The following DOCK1 variants were observed in gnomAD, a reference collection of about 807,000 sequenced individuals.
The protein encoded by DOCK1 is dedicator of cytokinesis 1.
A neutral mutation model predicts 262.7 loss-of-function variants in DOCK1; 138 were observed. The ratio of observed to expected loss-of-function variants is 0.53; its 90% CI spans 0.46 to 0.61. DOCK1 has a LOEUF of 0.61. Among genes scored for constraint, DOCK1 ranks in the 20% least tolerant of loss-of-function variants. DOCK1 has a pLI of 0.00. For missense variants in DOCK1, 1,908 were observed against 2,370.7 expected, an observed-to-expected ratio of 0.80 and a Z score of 4.05; for synonymous variants, 866 against 867.4, an observed-to-expected ratio of 1.00 and a Z score of 0.03.
intron 23 of DOCK1, among the ~76,000 whole-genome samples, chr10:127,101,115 A>G (rs2048217170): frequency 6.6e-6 from 1 of 152,050 alleles, no homozygotes; most frequent in Middle Eastern, 3.4e-3. Flanking sequence ...AACCCAAGGC[A>G]GGGGCAGAGG....
chr10:127,067,347 CCCT>C, intron 23 of DOCK1, among the ~76,000 whole-genome samples: 1 of 152,188 alleles, frequency 6.6e-6, no homozygotes, highest in Non-Finnish European at 1.5e-5. Flanking sequence ...TTACTACCTT[CCCT>C]TAGGATGACC....
chr10:127,193,797 C>T (rs1372986326), intron 27 of DOCK1, among the ~76,000 whole-genome samples: 2 of 152,178 alleles, frequency 1.3e-5, no homozygotes, highest in Non-Finnish European at 2.9e-5. Flanking sequence ...AATTCCCTTT[C>T]CTGCCACAGG....
chr10:127,250,269 G>A (rs1327655009), intron 28 of DOCK1, among the ~76,000 whole-genome samples: 1 of 152,328 alleles, frequency 6.6e-6, no homozygotes, highest in Non-Finnish European at 1.5e-5. Flanking sequence ...ACTATTAAGT[G>A]CTGTAATTGA....
At chr10:127,448,349 A>G (rs2070727916) in intron 51 of DOCK1, among the ~76,000 whole-genome samples, 1 of 152,226 alleles carries the variant, frequency 6.6e-6, no homozygotes, top group East Asian at 1.9e-4. Flanking sequence ...TATTAGTCAA[A>G]GTCATGAAAA....
chr10:127,144,523 A>G (rs2051603082), intron 27 of DOCK1, among the ~76,000 whole-genome samples: 1 of 152,226 alleles, frequency 6.6e-6, no homozygotes, highest in Admixed American at 6.5e-5. Context: ...ATTACAATAA[A>G]CTGATGAACT....
At chr10:126,916,171 G>A (rs535250034) in intron 1 of DOCK1, among the ~76,000 whole-genome samples, 2 of 152,294 alleles carry the variant, frequency 1.3e-5, no homozygotes, top group South Asian at 4.1e-4. Context: ...CCTGGAGTTA[G>A]GGCATATCCT....
At chr10:127,155,626 C>G (rs1403191992) in intron 27 of DOCK1, among the ~76,000 whole-genome samples, 1 of 152,164 alleles carries the variant, frequency 6.6e-6, no homozygotes, top group Non-Finnish European at 1.5e-5. Flanking sequence ...TACCCCTTTC[C>G]TCCTCATGGC....
intron 27 of DOCK1, among the ~76,000 whole-genome samples, chr10:127,177,503 CT>C (rs2055277575): frequency 6.6e-6 from 1 of 152,232 alleles, no homozygotes; most frequent in South Asian, 2.1e-4. Context: ...CTTTTCCCCC[CT>C]TGTGTTTGAG....
intron 27 of DOCK1, among the ~76,000 whole-genome samples, chr10:127,167,594 A>C (rs1023477178): frequency 6.6e-6 from 1 of 152,128 alleles, no homozygotes. Flanking sequence ...TTCTTGGAGC[A>C]GAAAGGAGCC....
At chr10:127,305,574 A>T (rs2061843323) in intron 29 of DOCK1, among the ~76,000 whole-genome samples, 1 of 152,204 alleles carries the variant, frequency 6.6e-6, no homozygotes, top group African/African-American at 2.4e-5. Context: ...AACAGTAAAG[A>T]AATGAGATGT....
chr10:127,110,347 A>C lies in DOCK1; in HGVS notation c.2616A>C (p.Thr872=). 6.2e-7 allele frequency: 1 copy of C among 1,611,454 alleles called. No individual in the cohort carries two copies. The highest frequency in any genetic ancestry group is 8.5e-7 in the Non-Finnish European group (1 of 1,178,346). Residue 872 remains threonine (T), a synonymous_variant, in exon 25 of 52, where the codon ACA becomes ACC. Coordinates refer to ENST00000623213, the MANE Select transcript of DOCK1 (RefSeq NM_001290223.2). The stretch of plus-strand genomic sequence containing the variant: ...AAATCGTCCACAGTGACCTCTTCAC[A>C]CAGCATGGTGAGTGGAACCCCAAGA... The part of the protein sequence containing the change: ...LIEIVHSDLF[T]QHDCREILLP...
intron 23 of DOCK1, among the ~76,000 whole-genome samples, chr10:127,098,646 C>T (rs2048052891): frequency 6.6e-6 from 1 of 152,124 alleles, no homozygotes; most frequent in African/African-American, 2.4e-5. Flanking sequence ...GACAGCACCC[C>T]AGAGCCCTGA....
intron 10 of DOCK1, among the ~76,000 whole-genome samples, chr10:127,005,020 C>T (rs893621369): frequency 6.6e-6 from 1 of 151,840 alleles, no homozygotes; most frequent in African/African-American, 2.4e-5. Flanking sequence ...TGTTGTCCAA[C>T]CAGATGTTCT....
intron 27 of DOCK1, among the ~76,000 whole-genome samples, chr10:127,205,139 C>A (rs1278810650): frequency 6.6e-6 from 1 of 151,884 alleles, no homozygotes; most frequent in African/African-American, 2.4e-5. Context: ...TAAATATTGT[C>A]ACATGGAACT....
At chr10:127,413,858 T>C (rs1367707144) in intron 43 of DOCK1, among the ~76,000 whole-genome samples, 2 of 152,132 alleles carry the variant, frequency 1.3e-5, no homozygotes, top group Non-Finnish European at 2.9e-5. Flanking sequence ...CCTTTCCTCC[T>C]ATGGAACGTA....
At chr10:127,150,925 C>G (rs898553294) in intron 27 of DOCK1, among the ~76,000 whole-genome samples, 5 of 152,328 alleles carry the variant, frequency 3.3e-5, no homozygotes, top group African/African-American at 7.2e-5. Context: ...AAGAAAACGT[C>G]TGGGCCTCAC....
chr10:126,908,561 G>C (rs2031290306), intron 1 of DOCK1, among the ~76,000 whole-genome samples: 1 of 152,238 alleles, frequency 6.6e-6, no homozygotes, highest in Non-Finnish European at 1.5e-5. Flanking sequence ...TTGTAAATGA[G>C]ATACTTCAGT....
At chr10:127,270,984 G>T (rs1328003549) in intron 29 of DOCK1, among the ~76,000 whole-genome samples, 2 of 93,122 alleles carry the variant, frequency 2.1e-5, no homozygotes, top group Non-Finnish European at 4.6e-5. Context: ...CTTAACAAAA[G>T]TTATATATGT....
chr10:127,313,587 G>A (rs561249416), intron 29 of DOCK1, among the ~76,000 whole-genome samples: 1 of 152,210 alleles, frequency 6.6e-6, no homozygotes, highest in African/African-American at 2.4e-5. Flanking sequence ...TACCCTTCAG[G>A]GGGCTTACTG....
Sources: gnomAD v4.1 joint callset for allele counts (sites outside exome capture counted in the v4.1 genomes callset) on GRCh38, gnomAD v4.1.1 for gene constraint, MANE v1.5 for transcripts, NCBI Gene and HGNC (gene_info 2026-07-23, HGNC 2026-07-21) for gene names.